LEPR: variants seen among roughly 807,000 people sequenced by gnomAD.
The protein encoded by LEPR is leptin receptor.
Under a neutral mutation model 114.7 loss-of-function variants are expected in LEPR, and 56 were observed. The ratio of observed to expected loss-of-function variants is 0.49; its 90% CI spans 0.39 to 0.61. LEPR has a LOEUF of 0.61. Ranked by LOEUF, LEPR falls within the 20% of genes least tolerant of loss-of-function variation. The pLI, the probability that LEPR is intolerant of heterozygous loss-of-function variation, is 0.00. For missense variants in LEPR, 1,202 were observed against 1,352.9 expected (o/e 0.89, Z 1.75); for synonymous variants, 443 against 461.4 (o/e 0.96, Z 0.51).
At chr1:65,537,071 A>G (rs913303866) in intron 2 of LEPR, among the ~76,000 whole-genome samples, 1 of 152,194 alleles carries the variant, frequency 6.6e-6, no homozygotes, top group Non-Finnish European at 1.5e-5. Flanking sequence ...GTAAGATGCT[A>G]TAAATTTAAA....
Position 65,633,407 on chromosome 1 carries a change from T to C in LEPR, c.2674-2784T>C. The stretch of plus-strand genomic sequence containing the variant: ...GGATGTGTGATTAATTTTCAAATCA[T>C]CTAAAGTTTAAAAGTAGTATTCATG... On this transcript the variant is annotated intron_variant, in intron 19 of 19. Coordinates refer to ENST00000349533, the MANE Select transcript of LEPR (RefSeq NM_002303.6). This position sits in a 1 kb window ranked among gnomAD's most constrained non-coding sequence, Gnocchi z 4.1. 7.5e-7 allele frequency: 1 copy of C among 1,325,490 alleles called. No individual in the cohort carries two copies. Among genetic ancestry groups the C allele is most frequent in the Non-Finnish European group, 9.6e-7 (1 of 1,040,512 alleles). 82.1% of individuals were successfully genotyped at this position (1,325,490 alleles called of 1,614,324 possible).
At chr1:65,621,799 A>AG (rs1657902430) in intron 18 of LEPR, among the ~76,000 whole-genome samples, 1 of 152,016 alleles carries the variant, frequency 6.6e-6, no homozygotes, top group Non-Finnish European at 1.5e-5. Flanking sequence ...TTTTAGGGTG[A>AG]GGGGGCTTAT....
intron 11 of LEPR, 26 bp downstream of exon 11, chr1:65,605,263 A>G (rs1243256049): frequency 1.2e-6 from 2 of 1,612,560 alleles, no homozygotes; most frequent in East Asian, 4.5e-5. Context: ...TTGTGTCTTC[A>G]TTTGTGTTAG....
In LEPR at chr1:65,638,181, C is replaced by T. The variant is rs898001080; in HGVS notation, c.*1166C>T. 6.6e-6 allele frequency: 1 copy of T among 151,986 alleles called. No individual in the cohort carries two copies. The highest frequency in any genetic ancestry group is 2.4e-5 in the African/African-American group (1 of 41,360). 9.4% of individuals were successfully genotyped at this position (151,986 alleles called of 1,614,324 possible). The stretch of plus-strand genomic sequence containing the variant: ...CCGGGGCAACATAGTGAGGCCTCGT[C>T]TCTACAAAAAACACAAAAATTAGCT... On this transcript the variant is annotated 3_prime_UTR_variant, in exon 20 of 20. Coordinates refer to ENST00000349533, the MANE Select transcript of LEPR (RefSeq NM_002303.6).
At chr1:65,592,248 A>ATTTTTTT (rs58700529) in intron 5 of LEPR, among the ~76,000 whole-genome samples, 3 of 117,776 alleles carry the variant, frequency 2.5e-5, no homozygotes, top group African/African-American at 3.2e-5. Context: ...ATCTGCTGTC[A>ATTTTTTT]TTTTTTTTTT....
At chr1:65,598,295 T>A (rs1011500408) in intron 7 of LEPR, among the ~76,000 whole-genome samples, 2 of 151,988 alleles carry the variant, frequency 1.3e-5, no homozygotes, top group African/African-American at 2.4e-5. Context: ...GTTCTTTGTC[T>A]ACCCCTGCAC....
At chr1:65,467,001 G>A (rs1370030208) in intron 2 of LEPR, among the ~76,000 whole-genome samples, 3 of 152,138 alleles carry the variant, frequency 2.0e-5, no homozygotes, top group Non-Finnish European at 2.9e-5. Flanking sequence ...GGGGAAGTTT[G>A]TTATTACCGA....
At chr1:65,612,896 G>A (rs192249140) in intron 14 of LEPR, among the ~76,000 whole-genome samples, 101 of 151,142 alleles carry the variant, frequency 6.7e-4, no homozygotes, top group African/African-American at 2.2e-3. Context: ...AACCTTGCTC[G>A]TCTGGCTGAG....
At chr1:65,479,098 A>T (rs564235833) in intron 2 of LEPR, among the ~76,000 whole-genome samples, 11 of 152,334 alleles carry the variant, frequency 7.2e-5, no homozygotes, top group African/African-American at 2.6e-4. Flanking sequence ...AAGTGATGCT[A>T]CAGCTTCCAC....
intron 2 of LEPR, among the ~76,000 whole-genome samples, chr1:65,503,505 T>C (rs1007523008): frequency 1.3e-5 from 2 of 152,134 alleles, no homozygotes; most frequent in Admixed American, 1.3e-4. Context: ...CACGGTAATC[T>C]AGTTGATAAA....
chr1:65,624,465 A>G (rs1429749172), intron 19 of LEPR, among the ~76,000 whole-genome samples: 1 of 152,156 alleles, frequency 6.6e-6, no homozygotes, highest in Non-Finnish European at 1.5e-5. Flanking sequence ...GCTGTTCTCT[A>G]TAGCAGTGGC....
intron 2 of LEPR, among the ~76,000 whole-genome samples, chr1:65,532,810 C>T (rs1650496087): frequency 6.6e-6 from 1 of 152,094 alleles, no homozygotes. Flanking sequence ...TCAGTGGTTG[C>T]CGGGGATGGA....
chr1:65,544,603 A>G (rs1651507333), intron 2 of LEPR, among the ~76,000 whole-genome samples: 1 of 151,590 alleles, frequency 6.6e-6, no homozygotes, highest in South Asian at 2.1e-4. Context: ...TTATTTTTAG[A>G]TATGTTCCAT....
chr1:65,574,403 T>TA (rs11291729), intron 5 of LEPR, among the ~76,000 whole-genome samples: 4 of 151,886 alleles, frequency 2.6e-5, no homozygotes, highest in African/African-American at 9.7e-5. Flanking sequence ...ATAATAATAA[T>TA]AAAAAAAATT....
intron 2 of LEPR, 79 bp downstream of exon 2, chr1:65,425,457 C>A (rs1174399602): frequency 7.4e-6 from 9 of 1,216,294 alleles, no homozygotes; most frequent in South Asian, 1.5e-5. Flanking sequence ...AGAGTTCGGT[C>A]AATTTAGCAC....
chr1:65,525,816 A>G lies in LEPR; in HGVS notation c.-20-39730A>G, dbSNP rs190636178. ...TTCGGTCGAGTTGGACCCCCGGATC[A>G]AGGTGGGACCTGCTTCCCTCTCCGA... On this transcript the variant is annotated intron_variant, in intron 2 of 19. Transcript: ENST00000349533. The G allele has an allele frequency of 2.4e-3, 2,393 of 985,932 alleles. 48 individuals are homozygous for G. In the African/African-American group the frequency reaches 0.039, roughly 16 times the overall value. 61.1% of individuals were successfully genotyped at this position (985,932 alleles called of 1,614,324 possible).
intron 6 of LEPR, among the ~76,000 whole-genome samples, chr1:65,593,243 C>T (rs1280087365): frequency 6.6e-6 from 1 of 152,016 alleles, no homozygotes; most frequent in Non-Finnish European, 1.5e-5. Context: ...AGAGACTGCT[C>T]CAGGAGCTGG....
At chr1:65,522,859 C>CA (rs778514981) in intron 2 of LEPR, among the ~76,000 whole-genome samples, 17 of 147,684 alleles carry the variant, frequency 1.2e-4, no homozygotes, top group Admixed American at 2.0e-4. Context: ...TTCCTTCTCT[C>CA]AAAAAAAATA....
intron 18 of LEPR, among the ~76,000 whole-genome samples, chr1:65,622,279 G>C (rs1307598073): frequency 6.6e-6 from 1 of 152,202 alleles, no homozygotes; most frequent in East Asian, 1.9e-4. Context: ...GGTGAAGTGG[G>C]TGGTAAAAGT....
Sources: allele counts gnomAD v4.1 joint callset (sites outside exome capture counted in the v4.1 genomes callset), GRCh38; gene constraint gnomAD v4.1.1; non-coding constraint Gnocchi (gnomAD v3.1); transcripts MANE v1.5; gene names NCBI Gene and HGNC (gene_info 2026-07-23, HGNC 2026-07-21).